Variants in PROS1 observed in about 807,000 individuals in gnomAD.
The protein encoded by PROS1 is protein S.
PROS1 carries 29 observed loss-of-function variants against 75.9 expected under a neutral mutation model. That is an observed-to-expected ratio of 0.38 (90% CI 0.28 to 0.52). The LOEUF is 0.52. Ranked by LOEUF, PROS1 falls within the 20% of genes least tolerant of loss-of-function variation. The pLI is 0.83. For synonymous variants in PROS1, 245 were observed against 280.6 expected (o/e 0.87, Z 1.27); for missense variants, 680 against 810.3 (o/e 0.84, Z 1.95).
intron 1 of PROS1, among the ~76,000 whole-genome samples, chr3:93,927,981 A>ATGTG (rs200688344): frequency 4.1e-5 from 3 of 73,216 alleles, no homozygotes; most frequent in African/African-American, 9.4e-5. Flanking sequence ...GTGTATATAT[A>ATGTG]TGTGTGTGTG....
intron 1 of PROS1, among the ~76,000 whole-genome samples, chr3:93,938,956 C>T (rs1477200507): frequency 6.6e-6 from 1 of 152,120 alleles, no homozygotes; most frequent in African/African-American, 2.4e-5. Context: ...CACCACCCCC[C>T]TTCTCCATGT....
intron 6 of PROS1, among the ~76,000 whole-genome samples, chr3:93,904,061 C>A (rs1305774883): frequency 6.8e-6 from 1 of 146,948 alleles, no homozygotes. Flanking sequence ...TGAGAATATG[C>A]GGTGTTTGGT....
chr3:93,902,630 G>A lies in PROS1; in HGVS notation c.602-1701C>T, dbSNP rs536383225. Among the ~76,000 whole-genome samples the A allele has an allele frequency of 2.0e-5, 3 of 152,010 alleles. No homozygotes were observed. The South Asian group carries it at 6.2e-4, about 32-fold the overall frequency. On this transcript the variant is annotated intron_variant, in intron 6 of 14. Coordinates refer to ENST00000394236, the MANE Select transcript of PROS1 (RefSeq NM_000313.4). ...TGGACAGGCGTGGTGGCATGCGTCTGTAGTCCCAGCTACTCGGGAGGCTGA... is the reference window on the plus strand; with the variant it reads ...TGGACAGGCGTGGTGGCATGCGTCTATAGTCCCAGCTACTCGGGAGGCTGA...
intron 1 of PROS1, among the ~76,000 whole-genome samples, chr3:93,931,715 A>G (rs1026073793): frequency 6.6e-6 from 1 of 151,684 alleles, no homozygotes; most frequent in Non-Finnish European, 1.5e-5. Flanking sequence ...TTCTGGAAGC[A>G]TAATGCCTTC....
chr3:93,910,334 A>G (rs190942061), intron 4 of PROS1, among the ~76,000 whole-genome samples: 3 of 152,346 alleles, frequency 2.0e-5, no homozygotes, highest in African/African-American at 7.2e-5. Flanking sequence ...AACAACAGCC[A>G]AAATAAAGCT....
chr3:93,944,864 T>C (rs1709353675), intron 1 of PROS1, among the ~76,000 whole-genome samples: 2 of 151,898 alleles, frequency 1.3e-5, no homozygotes, highest in African/African-American at 2.4e-5. Context: ...TCAATGAATC[T>C]AGGAGCTGGT....
chr3:93,921,544 C>T (rs879722579), intron 3 of PROS1, among the ~76,000 whole-genome samples: 4 of 152,052 alleles, frequency 2.6e-5, no homozygotes, highest in East Asian at 1.9e-4. Flanking sequence ...GCTTTGGCTG[C>T]GGTTTTAACT....
chr3:93,878,897 G>A (rs1708230801), intron 13 of PROS1, among the ~76,000 whole-genome samples: 1 of 152,084 alleles, frequency 6.6e-6, no homozygotes, highest in African/African-American at 2.4e-5. Flanking sequence ...GTGAGAGTCT[G>A]CCTAATCTTA....
chr3:93,879,729 C>T (rs1409021488), intron 12 of PROS1, among the ~76,000 whole-genome samples: 1 of 152,174 alleles, frequency 6.6e-6, no homozygotes, highest in Non-Finnish European at 1.5e-5. Context: ...TTGCCATCAT[C>T]ACTCCAAAGG....
At chr3:93,880,937 T>TA (rs955992782) in intron 12 of PROS1, among the ~76,000 whole-genome samples, 59 of 152,258 alleles carry the variant, frequency 3.9e-4, no homozygotes, top group African/African-American at 1.3e-3. Flanking sequence ...TTTATAACTT[T>TA]AAAAAAATCT....
At position 93,960,988 on chromosome 3, in the gene PROS1, A is replaced by G. The variant is rs1217313263; in HGVS notation, c.76+12686T>C. ...TAAATATTAGAGACTAGCTATTGAG[A>G]AAAAAAAAACACTTTTCTAAATTAT... On this transcript the variant is annotated intron_variant, in intron 1 of 14. Coordinates refer to ENST00000394236, the MANE Select transcript of PROS1 (RefSeq NM_000313.4). Among the ~76,000 whole-genome samples, 5 of 140,538 alleles carry G rather than the reference A, an allele frequency of 3.6e-5. No individual in the cohort carries two copies. The East Asian group carries it at 7.8e-4, about 22-fold the overall frequency. The allele number at this position is 140,538 out of a possible 152,430, so 92.2% of individuals were successfully genotyped here.
intron 13 of PROS1, 139 bp downstream of exon 13, chr3:93,879,024 G>T: frequency 1.1e-6 from 1 of 883,510 alleles, no homozygotes; most frequent in Non-Finnish European, 1.7e-6. Flanking sequence ...TTAATGATGT[G>T]CTGGAGATTG....
chr3:93,917,552 G>T (rs1442594897), intron 3 of PROS1, among the ~76,000 whole-genome samples: 1 of 152,184 alleles, frequency 6.6e-6, no homozygotes, highest in Non-Finnish European at 1.5e-5. Context: ...TGCACTGTGG[G>T]AGCCCCTTTC....
At chr3:93,966,545 G>C (rs1709791252) in intron 1 of PROS1, among the ~76,000 whole-genome samples, 2 of 152,162 alleles carry the variant, frequency 1.3e-5, no homozygotes, top group Admixed American at 1.3e-4. Flanking sequence ...TTTGGTTAAA[G>C]ACAATGGGAG....
rs1488052465 is a variant in PROS1, at chr3:93,873,970, A to C, written c.*275T>G. Reference sequence around the variant, plus strand: ...GATAAAATTAAAATTTAGTTTTACAAACAAAAATTGAAACTGTCATTTGTA... The same window carrying C: ...GATAAAATTAAAATTTAGTTTTACACACAAAAATTGAAACTGTCATTTGTA... On this transcript the variant is annotated 3_prime_UTR_variant, in exon 15 of 15. Coordinates refer to ENST00000394236, the MANE Select transcript of PROS1 (RefSeq NM_000313.4). The C allele has an allele frequency of 2.7e-6, 1 of 365,112 alleles. No homozygotes were observed. The highest frequency in any genetic ancestry group is 5.0e-6 in the Non-Finnish European group (1 of 199,778). 22.6% of individuals were successfully genotyped at this position (365,112 alleles called of 1,614,324 possible).
intron 1 of PROS1, among the ~76,000 whole-genome samples, chr3:93,973,032 G>T (rs778511634): frequency 4.6e-5 from 7 of 152,212 alleles, no homozygotes; most frequent in Non-Finnish European, 1.0e-4. Context: ...CAAAGATAAA[G>T]AATTCATGCC....
At chr3:93,954,325 A>G (rs1709561865) in intron 1 of PROS1, among the ~76,000 whole-genome samples, 1 of 152,228 alleles carries the variant, frequency 6.6e-6, no homozygotes, top group Non-Finnish European at 1.5e-5. Flanking sequence ...ACTTCAAACT[A>G]TATTAAAAGG....
intron 6 of PROS1, among the ~76,000 whole-genome samples, chr3:93,905,526 G>A (rs1266997355): frequency 1.3e-5 from 2 of 152,164 alleles, no homozygotes; most frequent in Non-Finnish European, 2.9e-5. Flanking sequence ...GATCAATTAA[G>A]CTCGGGAGGT....
chr3:93,905,342 G>T (rs1708656977), intron 6 of PROS1, among the ~76,000 whole-genome samples: 1 of 152,166 alleles, frequency 6.6e-6, no homozygotes, highest in Admixed American at 6.6e-5. Context: ...CAGGCAGAGA[G>T]CTCCCATCTG....
Sources: gnomAD v4.1 joint callset for allele counts (sites outside exome capture counted in the v4.1 genomes callset) on GRCh38, gnomAD v4.1.1 for gene constraint, MANE v1.5 for transcripts, NCBI Gene and HGNC (gene_info 2026-07-23, HGNC 2026-07-21) for gene names.